PCDHGA3: variants seen among roughly 807,000 people sequenced by gnomAD.
The protein encoded by PCDHGA3 is protocadherin gamma-A3.
PCDHGA3 carries 40 observed loss-of-function variants against 58.5 expected under a neutral mutation model. The ratio of observed to expected loss-of-function variants is 0.68; its 90% confidence interval spans 0.53 to 0.89. PCDHGA3 has a LOEUF of 0.89. Among genes scored for constraint, PCDHGA3 ranks in the 40% least tolerant of loss-of-function variants. PCDHGA3 has a pLI of 0.00. For missense variants in PCDHGA3, 1,223 were observed against 1,195.9 expected, an observed-to-expected ratio of 1.02 and a Z score of -0.33; for synonymous variants, 530 against 525.7, an observed-to-expected ratio of 1.01 and a Z score of -0.11.
intron 1 of PCDHGA3, chr5:141,376,072 C>T (rs755171325): frequency 6.8e-6 from 11 of 1,613,380 alleles, no homozygotes; most frequent in South Asian, 6.6e-5. Context: ...TCACCGTGGC[C>T]GTGGCCGACA....
At chr5:141,393,370 A>G (rs2092740114) in intron 1 of PCDHGA3, 5 of 1,613,954 alleles carry the variant, frequency 3.1e-6, no homozygotes, top group Non-Finnish European at 2.5e-6. Context: ...CAGACTGGAG[A>G]CAATGGAGCC....
chr5:141,392,546 T>A (rs1207052717), intron 1 of PCDHGA3: 1 of 336,090 alleles, frequency 3.0e-6, no homozygotes, highest in Non-Finnish European at 5.4e-6. Flanking sequence ...AGAAGTAATC[T>A]GTATCTCAGT....
At chr5:141,413,075 A>G (rs1013709122) in intron 1 of PCDHGA3, 4 of 1,246,610 alleles carry the variant, frequency 3.2e-6, no homozygotes, top group South Asian at 3.1e-5. Context: ...TAAAGTGCCC[A>G]GGCTACAGAG....
intron 1 of PCDHGA3, among the ~76,000 whole-genome samples, chr5:141,354,854 G>A (rs1343245672): frequency 6.6e-6 from 1 of 152,118 alleles, no homozygotes; most frequent in African/African-American, 2.4e-5. Context: ...AATTTTCATT[G>A]CAAATCAAAA....
rs766092387 is a variant in PCDHGA3 at position 141,491,171 on chromosome 5, T to C, written c.2425-3636T>C. 7.4e-6 allele frequency: 12 copies of C among 1,613,968 alleles called. No individual in the cohort carries two copies. The highest frequency in any genetic ancestry group is 1.3e-5 in the African/African-American group (1 of 74,904). On this transcript the variant is annotated intron_variant, in intron 1 of 3. Coordinates refer to ENST00000253812, the MANE Select transcript of PCDHGA3 (RefSeq NM_018916.4). The surrounding 1 kb of genome is among the most constrained non-coding windows in gnomAD (Gnocchi z 6.9). The stretch of plus-strand genomic sequence containing the variant: ...GAGGATGACTCTGACACCCAGCAGG[T>C]GGTGGTCCTGGTGAGGGACAATGGT...
At position 141,403,891 on chromosome 5, in the gene PCDHGA3, AT is replaced by A. The variant is rs757338627; in HGVS notation, c.2424+57438del. The A allele has an allele frequency of 3.1e-6, 5 of 1,613,870 alleles. No individual in the cohort carries two copies. In the Admixed American group the frequency reaches 6.7e-5, roughly 22 times the overall value. On this transcript the variant is annotated intron_variant, in intron 1 of 3. Transcript: ENST00000253812. Reference sequence around the variant, plus strand: ...AAAGTCTAGATTATGAAGAATGTTCATTTTATGAAATGGAAATACAAGCTGA... The same window carrying A: ...AAAGTCTAGATTATGAAGAATGTTCATTTATGAAATGGAAATACAAGCTGA...
At position 141,421,975 on chromosome 5, in the gene PCDHGA3, G is replaced by A. The variant is rs1287891140; in HGVS notation, c.2425-72832G>A. 3.1e-6 allele frequency: 5 copies of A among 1,610,050 alleles called. No individual in the cohort carries two copies. The South Asian group carries it at 3.3e-5, about 11-fold the overall frequency. On this transcript the variant is annotated intron_variant, in intron 1 of 3. Coordinates refer to ENST00000253812, the MANE Select transcript of PCDHGA3 (RefSeq NM_018916.4). ...AATGTTTACACAGTCCGTATATCGC[G>A]TGAGTGTTCCAGAAAACATCAGCTC...
chr5:141,439,310 A>G lies in PCDHGA3; in HGVS notation c.2425-55497A>G, dbSNP rs775009481. ...TCCATGGAAAAAGTAAAGCCCAGGCATGGAAGTGGGAATGGAAAGAAAGAT... is the reference window on the plus strand; with the variant it reads ...TCCATGGAAAAAGTAAAGCCCAGGCGTGGAAGTGGGAATGGAAAGAAAGAT... On this transcript the variant is annotated intron_variant, in intron 1 of 3. Transcript: ENST00000253812. 1.6e-4 allele frequency among the ~76,000 whole-genome samples: 24 copies of G among 152,320 alleles called. No homozygotes were observed. In the South Asian group the frequency reaches 4.1e-3, roughly 26 times the overall value.
intron 1 of PCDHGA3, among the ~76,000 whole-genome samples, chr5:141,425,350 A>G (rs926657846): frequency 6.6e-6 from 1 of 152,194 alleles, no homozygotes; most frequent in Non-Finnish European, 1.5e-5. Context: ...TGGCTTTGAA[A>G]TGTGATATTA....
rs775380177 is a variant in PCDHGA3, at chr5:141,422,666, C to T, written c.2425-72141C>T. The T allele has an allele frequency of 3.1e-6, 5 of 1,608,026 alleles. No individual in the cohort carries two copies. In the South Asian group the frequency reaches 3.3e-5, roughly 11 times the overall value. ...ATCTTCTCAGTGACCGCCCTCGACC[C>T]GGACAGCAAACAGAATGCCCTGGTC... On this transcript the variant is annotated intron_variant, in intron 1 of 3. Transcript: ENST00000253812.
chr5:141,480,390 T>C (rs753766736), intron 1 of PCDHGA3, among the ~76,000 whole-genome samples: 14 of 151,350 alleles, frequency 9.3e-5, no homozygotes, highest in Non-Finnish European at 1.9e-4. Flanking sequence ...ACTTCAACCA[T>C]GGCAATAGAG....
intron 1 of PCDHGA3, chr5:141,410,849 C>CTTTTTTTTTCTTTTTTTTTTT (rs2095433801): frequency 7.7e-6 from 1 of 129,786 alleles, no homozygotes; most frequent in Non-Finnish European, 1.3e-5. Context: ...TTGTCTTTGT[C>CTTTTTTTTTCTTTTTTTTTTT]TTTTTTTTTT....
intron 1 of PCDHGA3, chr5:141,391,108 A>G (rs1253319004): frequency 6.6e-6 from 1 of 152,138 alleles, no homozygotes; most frequent in African/African-American, 2.4e-5. Flanking sequence ...CTAAACTAAT[A>G]TAGCTAGAGG....
intron 1 of PCDHGA3, among the ~76,000 whole-genome samples, chr5:141,447,244 A>T (rs1475037979): frequency 6.6e-6 from 1 of 152,062 alleles, no homozygotes; most frequent in Non-Finnish European, 1.5e-5. Flanking sequence ...GGTTCAAGTG[A>T]TTCTTCTGTC....
chr5:141,491,454 C>G lies in PCDHGA3; in HGVS notation c.2425-3353C>G. ...GCTGCAGGCGCCAGGACTCACCCTCCCCGGACTTCTATAAGCAGTCCAGCC... is the reference window on the plus strand; with the variant it reads ...GCTGCAGGCGCCAGGACTCACCCTCGCCGGACTTCTATAAGCAGTCCAGCC... On this transcript the variant is annotated intron_variant, in intron 1 of 3. Coordinates refer to ENST00000253812, the MANE Select transcript of PCDHGA3 (RefSeq NM_018916.4). This position sits in a 1 kb window ranked among gnomAD's most constrained non-coding sequence, Gnocchi z 6.9. The G allele has an allele frequency of 6.2e-7, 1 of 1,614,120 alleles. No individual in the cohort carries two copies. Among genetic ancestry groups the G allele is most frequent in the Non-Finnish European group, 8.5e-7 (1 of 1,180,032 alleles).
intron 1 of PCDHGA3, chr5:141,478,884 C>T (rs767294994): frequency 9.2e-5 from 110 of 1,194,180 alleles, no homozygotes; most frequent in Non-Finnish European, 1.2e-4. Context: ...AGCTTGGTAT[C>T]ATTTACATTA....
At chr5:141,376,499 C>G (rs1320027285) in intron 1 of PCDHGA3, 3 of 1,614,146 alleles carry the variant, frequency 1.9e-6, no homozygotes, top group Admixed American at 1.7e-5. Flanking sequence ...AGAACCCAGG[C>G]AACTTCAGGT....
chr5:141,485,275 G>T lies in PCDHGA3; in HGVS notation c.2425-9532G>T, dbSNP rs77402299. ...ACGTTTGTGGGCAGATCCGCTACCC[G>T]GTCCCAGAGGAGTCACAGGAAGGGA... is the stretch of plus-strand genomic sequence containing the variant. On this transcript the variant is annotated intron_variant, in intron 1 of 3. Coordinates refer to ENST00000253812, the MANE Select transcript of PCDHGA3 (RefSeq NM_018916.4). The surrounding 1 kb of genome is among the most constrained non-coding windows in gnomAD (Gnocchi z 5.7). 1.1e-5 allele frequency: 18 copies of T among 1,614,072 alleles called. No individual in the cohort carries two copies. The South Asian group carries it at 1.4e-4, about 13-fold the overall frequency.
chr5:141,489,250 A>C lies in PCDHGA3; in HGVS notation c.2425-5557A>C. 1 of 1,546,554 alleles carries C rather than the reference A, an allele frequency of 6.5e-7. No individual in the cohort carries two copies. The highest frequency in any genetic ancestry group is 8.7e-7 in the Non-Finnish European group (1 of 1,146,722). On this transcript the variant is annotated intron_variant, in intron 1 of 3. Transcript: ENST00000253812. This position sits in a 1 kb window ranked among gnomAD's most constrained non-coding sequence, Gnocchi z 4.5. The stretch of plus-strand genomic sequence containing the variant: ...AAGGGACTTCTGGGTCATGGGGCCC[A>C]AGACACTCCCACAGCTCGCTGGGAA...
Sources: gnomAD v4.1 joint callset for allele counts (sites outside exome capture counted in the v4.1 genomes callset) on GRCh38, gnomAD v4.1.1 for gene constraint, Gnocchi (gnomAD v3.1) non-coding constraint, MANE v1.5 for transcripts, NCBI Gene and HGNC (gene_info 2026-07-23, HGNC 2026-07-21) for gene names.